The following MIER1 variants were observed in gnomAD, a reference collection of about 807,000 sequenced individuals.
MIER1 encodes mesoderm induction early response protein 1.
A neutral mutation model predicts 75.7 loss-of-function variants in MIER1; 40 were observed. The ratio of observed to expected loss-of-function variants is 0.53; its 90% CI spans 0.41 to 0.69. The LOEUF is 0.69. MIER1 is among the 30% of genes least tolerant of loss of function. The pLI, the probability that MIER1 is intolerant of heterozygous loss-of-function variation, is 0.00. For synonymous variants in MIER1, 213 were observed against 223.4 expected, an observed-to-expected ratio of 0.95 and a Z score of 0.42; for missense variants, 574 against 680.2, an observed-to-expected ratio of 0.84 and a Z score of 1.74.
intron 4 of MIER1, among the ~76,000 whole-genome samples, chr1:66,953,939 A>T (rs1659557816): frequency 6.6e-6 from 1 of 151,756 alleles, no homozygotes; most frequent in Non-Finnish European, 1.5e-5. Context: ...AAGTAAGGGT[A>T]TTTTTTTTCC....
At chr1:66,933,536 A>C (rs539673757) in intron 2 of MIER1, among the ~76,000 whole-genome samples, 1 of 152,090 alleles carries the variant, frequency 6.6e-6, no homozygotes, top group Non-Finnish European at 1.5e-5. Context: ...CTCCTTGCTT[A>C]GTATTTTTTG....
intron 2 of MIER1, among the ~76,000 whole-genome samples, chr1:66,939,177 A>G (rs1335834178): frequency 6.6e-6 from 1 of 152,134 alleles, no homozygotes; most frequent in Admixed American, 6.5e-5. Flanking sequence ...TATTTGAAGC[A>G]TCTTTTGAGT....
At chr1:66,969,545 C>CAAAAA (rs35924256) in intron 8 of MIER1, among the ~76,000 whole-genome samples, 26 of 63,540 alleles carry the variant, frequency 4.1e-4, no homozygotes, top group East Asian at 1.9e-3. Context: ...ACTTCGTCTC[C>CAAAAA]AAAAAAAAAA....
intron 4 of MIER1, among the ~76,000 whole-genome samples, chr1:66,952,127 A>C (rs748875001): frequency 6.6e-6 from 1 of 152,234 alleles, no homozygotes; most frequent in Non-Finnish European, 1.5e-5. Context: ...CTATAACTGA[A>C]AATGTACAAC....
At chr1:66,956,679 C>T (rs955844305) in intron 4 of MIER1, among the ~76,000 whole-genome samples, 1 of 152,160 alleles carries the variant, frequency 6.6e-6, no homozygotes, top group Non-Finnish European at 1.5e-5. Context: ...ATAAAGTTAC[C>T]GCTTTTCAGG....
Position 66,986,243 on chromosome 1 carries a change from G to T in MIER1, c.*1343G>T. ...AGATACACAATAATCATTGCTCTGT[G>T]TGATTACAGATAGGATTATCCATCT... is the stretch of plus-strand genomic sequence containing the variant. On this transcript the variant is annotated 3_prime_UTR_variant, in exon 14 of 14. Transcript: ENST00000401041. 4.5e-6 allele frequency: 6 copies of T among 1,345,636 alleles called. No homozygotes were observed. In the East Asian group the frequency reaches 8.1e-5, roughly 18 times the overall value. 83.4% of individuals were successfully genotyped at this position (1,345,636 alleles called of 1,614,324 possible).
chr1:66,930,151 G>T lies in MIER1; in HGVS notation c.168+3909G>T, dbSNP rs1483608088. 12 of 1,216,552 alleles carry T rather than the reference G, an allele frequency of 9.9e-6. No homozygotes were observed. In the Admixed American group the frequency reaches 4.0e-4, roughly 41 times the overall value. The allele number at this position is 1,216,552 out of a possible 1,614,324, so 75.4% of individuals were successfully genotyped here. On this transcript the variant is annotated intron_variant, in intron 2 of 13. Coordinates refer to ENST00000401041, the MANE Select transcript of MIER1 (RefSeq NM_001077700.3). ...GCCGCGGGGCCGCGCGCGCGCCCCT[G>T]CTCCGGCGCGTGCTCGCTGGTCTTT...
chr1:66,969,809 A>G (rs1663242420), intron 8 of MIER1, among the ~76,000 whole-genome samples: 1 of 152,032 alleles, frequency 6.6e-6, no homozygotes, highest in Admixed American at 6.6e-5. Flanking sequence ...TCATAACTAA[A>G]CTTTTCAAGA....
chr1:66,930,422 C>G, intron 2 of MIER1: 1 of 1,605,252 alleles, frequency 6.2e-7, no homozygotes. Context: ...AGCTCCCCCT[C>G]CCTGTCCCGG....
intron 11 of MIER1, among the ~76,000 whole-genome samples, chr1:66,973,247 C>A (rs1664063083): frequency 6.6e-6 from 1 of 152,096 alleles, no homozygotes; most frequent in Non-Finnish European, 1.5e-5. Context: ...TAATCAACTT[C>A]TAGTTGGGGT....
intron 4 of MIER1, chr1:66,947,840 G>T: frequency 2.7e-6 from 2 of 734,390 alleles, no homozygotes; most frequent in Non-Finnish European, 3.3e-6. Context: ...TGCTTTTGTT[G>T]TTAAATAGGC....
intron 12 of MIER1, among the ~76,000 whole-genome samples, chr1:66,979,807 G>T (rs1665525739): frequency 6.6e-6 from 1 of 150,900 alleles, no homozygotes; most frequent in East Asian, 1.9e-4. Flanking sequence ...TGTTGCCCAG[G>T]CTGCTGGAGT....
intron 2 of MIER1, among the ~76,000 whole-genome samples, chr1:66,935,044 A>G (rs1325201917): frequency 6.6e-6 from 1 of 152,166 alleles, no homozygotes; most frequent in African/African-American, 2.4e-5. Flanking sequence ...GGTAATACTC[A>G]TTGCAAATAA....
chr1:66,979,852 C>T (rs992701888), intron 12 of MIER1, among the ~76,000 whole-genome samples: 1 of 152,022 alleles, frequency 6.6e-6, no homozygotes, highest in African/African-American at 2.4e-5. Flanking sequence ...GCAACCTCCA[C>T]CGCCCGGGTT....
In MIER1 at chr1:66,959,828, CTA is replaced by C. The variant is rs1010711506; in HGVS notation, c.699+87_699+88del. 10 of 535,716 alleles carry C rather than the reference CTA, an allele frequency of 1.9e-5. No individual in the cohort carries two copies. In the South Asian group the frequency reaches 2.5e-4, roughly 13 times the overall value. The allele number at this position is 535,716 out of a possible 1,614,324, so 33.2% of individuals were successfully genotyped here. A position where few individuals can be genotyped will look rare whatever the true frequency, so the allele number is the denominator to read the frequency against. ...GTGTAATTATTTTTTTTTTTACTAA[CTA>C]TGTATATTGATAAAATCGATGTAAG... On this transcript the variant is annotated intron_variant, in intron 7 of 13. Coordinates refer to ENST00000401041, the MANE Select transcript of MIER1 (RefSeq NM_001077700.3).
chr1:66,965,974 T>C (rs534478968), intron 8 of MIER1, among the ~76,000 whole-genome samples: 5 of 152,328 alleles, frequency 3.3e-5, no homozygotes, highest in Admixed American at 1.3e-4. Context: ...ATCCATGTTA[T>C]TGCAAATGAC....
chr1:66,987,320 AGAACTTTT>A lies in MIER1; in HGVS notation c.*2431_*2438del, dbSNP rs1429159339. 6.5e-6 allele frequency: 1 copy of A among 152,752 alleles called. No individual in the cohort carries two copies. Among genetic ancestry groups the A allele is most frequent in the Non-Finnish European group, 1.5e-5 (1 of 68,002 alleles). 9.5% of individuals were successfully genotyped at this position (152,752 alleles called of 1,614,324 possible). A position where few individuals can be genotyped will look rare whatever the true frequency, so the allele number is the denominator to read the frequency against. On this transcript the variant is annotated 3_prime_UTR_variant, in exon 14 of 14. Transcript: ENST00000401041. ...ATTTGCTTAAGATTTAGTACATTTC[AGAACTTTT>A]GAACTTTTGACAAATTGCATTGGAA...
At chr1:66,944,651 C>T (rs1298634436) in intron 3 of MIER1, among the ~76,000 whole-genome samples, 1 of 152,006 alleles carries the variant, frequency 6.6e-6, no homozygotes, top group African/African-American at 2.4e-5. Flanking sequence ...TGCTCTTCTA[C>T]TCAGTCTTTG....
chr1:66,984,102 C>T lies in MIER1; in HGVS notation c.1370-470C>T, dbSNP rs570681337. 8.5e-5 allele frequency among the ~76,000 whole-genome samples: 13 copies of T among 152,330 alleles called. No homozygotes were observed. The South Asian group carries it at 1.9e-3, about 22-fold the overall frequency. On this transcript the variant is annotated intron_variant, in intron 13 of 13. Transcript: ENST00000401041. ...GTCATGACATCTTGCTTTTATATGG[C>T]AGTTTACTCAAGCTTTTTAAAGAAA...
Sources: allele counts gnomAD v4.1 joint callset (sites outside exome capture counted in the v4.1 genomes callset), GRCh38; gene constraint gnomAD v4.1.1; transcripts MANE v1.5; gene names NCBI Gene and HGNC (gene_info 2026-07-23, HGNC 2026-07-21).